The following CSGALNACT1 variants were observed in gnomAD, a reference collection of about 807,000 sequenced individuals.
CSGALNACT1 encodes chondroitin sulfate N-acetylgalactosaminyltransferase 1.
A neutral mutation model predicts 51.0 loss-of-function variants in CSGALNACT1; 52 were observed. The ratio of observed to expected loss-of-function variants is 1.02; its 90% confidence interval spans 0.82 to 1.29. CSGALNACT1 has a LOEUF of 1.29. Ranked by LOEUF, CSGALNACT1 falls within the 50% of genes most tolerant of loss-of-function variation. CSGALNACT1 has a pLI of 0.00. For synonymous variants in CSGALNACT1, 341 were observed against 254.4 expected, an observed-to-expected ratio of 1.34 and a Z score of -3.24; for missense variants, 935 against 679.2, an observed-to-expected ratio of 1.38 and a Z score of -4.19.
intron 3 of CSGALNACT1, among the ~76,000 whole-genome samples, chr8:19,525,648 A>AAAAAAAC: frequency 7.1e-6 from 1 of 141,702 alleles, no homozygotes; most frequent in Non-Finnish European, 1.5e-5. Flanking sequence ...AAAAAAAAAA[A>AAAAAAAC]AGTAGAGCCC....
At chr8:19,406,232 G>A (rs562569612) in intron 9 of CSGALNACT1, among the ~76,000 whole-genome samples, 163 bp from the exon 9 acceptor site, 9 of 152,126 alleles carry the variant, frequency 5.9e-5, no homozygotes, top group South Asian at 2.1e-4. Flanking sequence ...CAGAAGCCCC[G>A]AGAATTCCCC....
At chr8:19,410,443 C>G (rs921170513) in intron 8 of CSGALNACT1, among the ~76,000 whole-genome samples, 1 of 152,190 alleles carries the variant, frequency 6.6e-6, no homozygotes, top group Non-Finnish European at 1.5e-5. Context: ...TGCTGGCAAC[C>G]TAGACAAGTT....
intron 1 of CSGALNACT1, among the ~76,000 whole-genome samples, chr8:19,748,250 A>C (rs1377136872): frequency 6.6e-6 from 1 of 152,200 alleles, no homozygotes; most frequent in Non-Finnish European, 1.5e-5. Flanking sequence ...TTAGGAATTC[A>C]TCCTTTAACA....
chr8:19,502,060 G>A (rs1004091134), intron 4 of CSGALNACT1, among the ~76,000 whole-genome samples: 2 of 152,252 alleles, frequency 1.3e-5, no homozygotes, highest in Non-Finnish European at 2.9e-5. Flanking sequence ...ACATCTGTCT[G>A]ATATTTTCCC....
In CSGALNACT1 at chr8:19,628,653, CT is replaced by C. The variant is rs374535722; in HGVS notation, c.-543-26789del. Among the ~76,000 whole-genome samples the C allele has an allele frequency of 4.1e-3, 602 of 146,248 alleles. 3 individuals are homozygous for C. The highest frequency in any genetic ancestry group is 0.012 in the African/African-American group (488 of 40,300). ...AGAGCTTTCAGTCTTAATCAATAGG[CT>C]TTTTTTTTTTGTTTTTTGGGTCTCG... On this transcript the variant is annotated intron_variant, in intron 1 of 9. Coordinates refer to the CSGALNACT1 transcript ENST00000332246.
At position 19,464,370 on chromosome 8, in the gene CSGALNACT1, C is replaced by T. The variant is rs62496196; in HGVS notation, c.635-5728G>A. On this transcript the variant is annotated intron_variant, in intron 4 of 9. Coordinates refer to ENST00000454498, the Ensembl canonical transcript of CSGALNACT1. ...CTCCCTAGCTCAAAGTTCTCGCCAG[C>T]ATCCCATACCACAGAATAAAGTATC... is the stretch of plus-strand genomic sequence containing the variant. Among the ~76,000 whole-genome samples the T allele has an allele frequency of 7.1e-3, 1,081 of 152,298 alleles. 7 individuals are homozygous for T. Among genetic ancestry groups the T allele is most frequent in the Middle Eastern group, 0.014 (4 of 294 alleles).
chr8:19,592,487 C>G (rs1418313022), intron 2 of CSGALNACT1, among the ~76,000 whole-genome samples: 1 of 152,222 alleles, frequency 6.6e-6, no homozygotes, highest in African/African-American at 2.4e-5. Flanking sequence ...TATAGTGGCC[C>G]ATGCCTGTAA....
In CSGALNACT1 at chr8:19,696,032, C is replaced by A. The variant is rs574975665; in HGVS notation, c.-297+61818G>T. ...TATAAATTTTTAAAAACTTTAAAGA[C>A]CCAAGACCAGTAGCAAAAACATGTA... On this transcript the variant is annotated intron_variant, in intron 1 of 1. Transcript: ENST00000517494. 3.3e-5 allele frequency among the ~76,000 whole-genome samples: 5 copies of A among 152,294 alleles called. No individual in the cohort carries two copies. The East Asian group carries it at 9.6e-4, about 29-fold the overall frequency.
At chr8:19,587,595 A>G (rs930835717) in intron 3 of CSGALNACT1, among the ~76,000 whole-genome samples, 9 of 152,244 alleles carry the variant, frequency 5.9e-5, no homozygotes, top group African/African-American at 2.2e-4. Context: ...TAAGGTTACC[A>G]GACATTTTCA....
intron 1 of CSGALNACT1, among the ~76,000 whole-genome samples, chr8:19,692,715 C>CA (rs2061394925): frequency 1.3e-5 from 2 of 152,132 alleles, no homozygotes; most frequent in Admixed American, 6.6e-5. Context: ...CCTTCCAGAA[C>CA]GTTTCAACAA....
At position 19,697,938 on chromosome 8, in the gene CSGALNACT1, G is replaced by C. The variant is rs529320267; in HGVS notation, c.-297+59912C>G. On this transcript the variant is annotated intron_variant, in intron 1 of 1. Transcript: ENST00000517494. ...AAAGAGATGGTGTCCCAGGAAGCAA[G>C]GAGGAAGATCAAGAATAGAGAAGTA... 3.9e-5 allele frequency among the ~76,000 whole-genome samples: 6 copies of C among 152,280 alleles called. No individual in the cohort carries two copies. In the East Asian group the frequency reaches 5.8e-4, roughly 15 times the overall value.
At chr8:19,584,435 T>C (rs918597628) in intron 3 of CSGALNACT1, among the ~76,000 whole-genome samples, 1 of 152,228 alleles carries the variant, frequency 6.6e-6, no homozygotes, top group Admixed American at 6.5e-5. Context: ...GGAATTTGAA[T>C]TAAGAGAAAG....
intron 4 of CSGALNACT1, among the ~76,000 whole-genome samples, chr8:19,493,432 T>TA (rs2074804392): frequency 6.6e-6 from 1 of 150,990 alleles, no homozygotes; most frequent in Admixed American, 6.6e-5. Flanking sequence ...AATCTATTTT[T>TA]AGAGACTATT....
chr8:19,652,283 G>C (rs1447200694), intron 1 of CSGALNACT1, among the ~76,000 whole-genome samples: 2 of 151,970 alleles, frequency 1.3e-5, no homozygotes, highest in Non-Finnish European at 2.9e-5. Flanking sequence ...ATTCTCACTG[G>C]TATGAGGTTG....
At chr8:19,667,016 A>AAAGGAAGGAAGGAAGGAAGGAAGGAAGG (rs71205941) in intron 1 of CSGALNACT1, among the ~76,000 whole-genome samples, 8 of 43,470 alleles carry the variant, frequency 1.8e-4, no homozygotes, top group African/African-American at 3.5e-4. Flanking sequence ...AGAAAGAAAG[A>AAAGGAAGGAAGGAAGGAAGGAAGGAAGG]AAGGAAGGAA....
chr8:19,744,061 T>C (rs1456301767), intron 1 of CSGALNACT1, among the ~76,000 whole-genome samples: 1 of 152,218 alleles, frequency 6.6e-6, no homozygotes, highest in Non-Finnish European at 1.5e-5. Context: ...ATACTTTGCC[T>C]AATTAGACTT....
chr8:19,739,902 A>C (rs2064206313), intron 1 of CSGALNACT1, among the ~76,000 whole-genome samples: 1 of 152,158 alleles, frequency 6.6e-6, no homozygotes, highest in Non-Finnish European at 1.5e-5. Flanking sequence ...TATGCAGGGA[A>C]ACTTAATCCT....
chr8:19,637,868 G>A (rs1017632129), intron 1 of CSGALNACT1, among the ~76,000 whole-genome samples: 10 of 143,456 alleles, frequency 7.0e-5, no homozygotes, highest in Non-Finnish European at 1.2e-4. Context: ...AACAAACATA[G>A]AAGAAGTGAG....
intron 2 of CSGALNACT1, among the ~76,000 whole-genome samples, chr8:19,595,292 T>C (rs1426357867): frequency 6.6e-6 from 1 of 152,184 alleles, no homozygotes; most frequent in Non-Finnish European, 1.5e-5. Context: ...AACATGCTAT[T>C]TTTCTCATTT....
Sources: gnomAD v4.1 joint callset for allele counts (sites outside exome capture counted in the v4.1 genomes callset) on GRCh38, gnomAD v4.1.1 for gene constraint, MANE v1.5 for transcripts, NCBI Gene and HGNC (gene_info 2026-07-23, HGNC 2026-07-21) for gene names.